The following FAM229B variants were observed in gnomAD, a reference collection of about 807,000 sequenced individuals.
FAM229B encodes the protein protein FAM229B.
A neutral mutation model predicts 6.7 loss-of-function variants in FAM229B; 2 were observed. That is an observed-to-expected ratio of 0.30 (90% CI 0.12 to 0.94). The LOEUF (loss-of-function observed/expected upper bound fraction) is 0.94. Ranked by LOEUF, FAM229B falls within the 40% of genes least tolerant of loss-of-function variation. The pLI is 0.54. For synonymous variants in FAM229B, 29 were observed against 34.0 expected (o/e 0.85, Z 0.51); for missense variants, 93 against 96.2 (o/e 0.97, Z 0.14).
chr6:112,091,090 A>G (rs781906253), intron 1 of FAM229B, among the ~76,000 whole-genome samples: 4 of 152,080 alleles, frequency 2.6e-5, no homozygotes, highest in Non-Finnish European at 5.9e-5. Context: ...TAGATTCCAC[A>G]TCTAAGTGGA....
intron 1 of FAM229B, among the ~76,000 whole-genome samples, chr6:112,087,949 CAG>C (rs1276288720): frequency 2.6e-5 from 4 of 152,092 alleles, no homozygotes; most frequent in African/African-American, 9.7e-5. Flanking sequence ...ATAGTCATGT[CAG>C]GGCACAATTG....
chr6:112,101,031 T>G lies in FAM229B; in HGVS notation c.*244T>G. The G allele has an allele frequency of 2.8e-6, 1 of 361,732 alleles. No homozygotes were observed. The highest frequency in any genetic ancestry group is 2.1e-5 in the African/African-American group (1 of 47,822). 22.4% of individuals were successfully genotyped at this position (361,732 alleles called of 1,614,324 possible). On this transcript the variant is annotated 3_prime_UTR_variant, in exon 4 of 4. Transcript: ENST00000368656. ...ATTAGAAAGTACCTTAGAGATCATCTTGCTCACAGTAGATCATTAATATCA... is the reference window on the plus strand; with the variant it reads ...ATTAGAAAGTACCTTAGAGATCATCGTGCTCACAGTAGATCATTAATATCA...
intron 1 of FAM229B, among the ~76,000 whole-genome samples, chr6:112,093,203 A>G: frequency 6.6e-6 from 1 of 152,036 alleles, no homozygotes; most frequent in East Asian, 1.9e-4. Flanking sequence ...GAATAGGAAA[A>G]GATATGTCAT....
intron 1 of FAM229B, among the ~76,000 whole-genome samples, chr6:112,095,985 T>C (rs1554318617): frequency 6.6e-6 from 1 of 152,228 alleles, no homozygotes; most frequent in African/African-American, 2.4e-5. Flanking sequence ...GCCAGTTTTC[T>C]ATAACTTGAG....
rs1777413022 is a variant in FAM229B at position 112,102,581 on chromosome 6, G to T, written c.*1794G>T. 1 of 152,126 alleles carries T rather than the reference G, an allele frequency of 6.6e-6. No homozygotes were observed. 9.4% of individuals were successfully genotyped at this position (152,126 alleles called of 1,614,324 possible). On this transcript the variant is annotated 3_prime_UTR_variant, in exon 4 of 4. Coordinates refer to ENST00000368656, the MANE Select transcript of FAM229B (RefSeq NM_001033564.3). Reference sequence around the variant, plus strand: ...TAGTGGATCTTTTAATATAGTACATGGATCATTGAGTAGAGTCTTCAGCAA... The same window carrying T: ...TAGTGGATCTTTTAATATAGTACATTGATCATTGAGTAGAGTCTTCAGCAA...
chr6:112,094,364 T>C lies in FAM229B; in HGVS notation c.-175-2677T>C, dbSNP rs587594346. Among the ~76,000 whole-genome samples the C allele has an allele frequency of 4.5e-4, 69 of 152,328 alleles. No individual in the cohort carries two copies. The South Asian group carries it at 7.3e-3, about 16-fold the overall frequency. ...GTTTTTGCTCCTGCGTGATTTGGCC[T>C]GTGCTTATGTCTCAGACTCCATTTA... On this transcript the variant is annotated intron_variant, in intron 1 of 3. Coordinates refer to ENST00000368656, the MANE Select transcript of FAM229B (RefSeq NM_001033564.3).
chr6:112,095,925 A>G (rs1004525748), intron 1 of FAM229B, among the ~76,000 whole-genome samples: 4 of 152,186 alleles, frequency 2.6e-5, no homozygotes, highest in African/African-American at 9.7e-5. Context: ...TAAGAAAAAG[A>G]AGGTGGAGGT....
intron 1 of FAM229B, 88 bp downstream of exon 1, chr6:112,087,808 A>T (rs1219586949): frequency 4.0e-6 from 1 of 247,202 alleles, no homozygotes; most frequent in African/African-American, 2.2e-5. Flanking sequence ...TCACAGCCTC[A>T]ACACCCGGGG....
intron 1 of FAM229B, among the ~76,000 whole-genome samples, chr6:112,091,396 A>G (rs1777255181): frequency 6.6e-6 from 1 of 152,148 alleles, no homozygotes. Flanking sequence ...CGGGCAGAAC[A>G]ATTCCTAGGG....
chr6:112,093,290 T>C (rs1554318333), intron 1 of FAM229B, among the ~76,000 whole-genome samples: 1 of 152,032 alleles, frequency 6.6e-6, no homozygotes, highest in Non-Finnish European at 1.5e-5. Flanking sequence ...CAGACATATT[T>C]CATAATGATA....
chr6:112,098,253 A>G (rs926881550), intron 2 of FAM229B, among the ~76,000 whole-genome samples: 2 of 152,196 alleles, frequency 1.3e-5, no homozygotes, highest in African/African-American at 4.8e-5. Context: ...ATTCAGACTT[A>G]ATGGATTGCA....
At chr6:112,091,497 G>A (rs1410769310) in intron 1 of FAM229B, among the ~76,000 whole-genome samples, 1 of 152,138 alleles carries the variant, frequency 6.6e-6, no homozygotes, top group East Asian at 1.9e-4. Flanking sequence ...TACTCAGAAA[G>A]GTACCTCAGT....
At chr6:112,094,855 C>T (rs1777301744) in intron 1 of FAM229B, among the ~76,000 whole-genome samples, 2 of 152,142 alleles carry the variant, frequency 1.3e-5, no homozygotes, top group African/African-American at 2.4e-5. Context: ...TATTTGGATA[C>T]TTCATCTTTT....
chr6:112,092,369 G>C (rs1554318267), intron 1 of FAM229B, among the ~76,000 whole-genome samples: 1 of 152,074 alleles, frequency 6.6e-6, no homozygotes, highest in East Asian at 1.9e-4. Context: ...CAGACTTCTT[G>C]TTGGGAACAA....
intron 1 of FAM229B, among the ~76,000 whole-genome samples, chr6:112,095,370 G>A (rs587634730): frequency 1.3e-5 from 2 of 152,174 alleles, no homozygotes; most frequent in East Asian, 3.9e-4. Context: ...GTGGGCTCAT[G>A]CCTGTAACCT....
At chr6:112,094,705 A>G (rs1777299835) in intron 1 of FAM229B, among the ~76,000 whole-genome samples, 2 of 152,208 alleles carry the variant, frequency 1.3e-5, no homozygotes, top group African/African-American at 4.8e-5. Context: ...TATTCATTAA[A>G]TGAATGAATG....
At chr6:112,095,912 T>C (rs1048674205) in intron 1 of FAM229B, among the ~76,000 whole-genome samples, 12 of 152,116 alleles carry the variant, frequency 7.9e-5, no homozygotes, top group Non-Finnish European at 1.8e-4. Context: ...GATAGTACCC[T>C]AGTAAGAAAA....
intron 1 of FAM229B, among the ~76,000 whole-genome samples, chr6:112,091,592 G>A (rs1777257671): frequency 6.6e-6 from 1 of 152,120 alleles, no homozygotes; most frequent in Non-Finnish European, 1.5e-5. Flanking sequence ...GAACCAGGCT[G>A]TTTCCAAATA....
chr6:112,101,453 C>G lies in FAM229B; in HGVS notation c.*666C>G, dbSNP rs1227656111. ...CAAGAAAAATGACGTCTGGTTATCA[C>G]TTTGTACACGAAGTGCTAACCAGGT... On this transcript the variant is annotated 3_prime_UTR_variant, in exon 4 of 4. Transcript: ENST00000368656. The G allele has an allele frequency of 6.6e-6, 1 of 152,188 alleles. No individual in the cohort carries two copies. Among genetic ancestry groups the G allele is most frequent in the Non-Finnish European group, 1.5e-5 (1 of 68,034 alleles). 9.4% of individuals were successfully genotyped at this position (152,188 alleles called of 1,614,324 possible). A position where few individuals can be genotyped will look rare whatever the true frequency, so the allele number is the denominator to read the frequency against.
Sources: gnomAD v4.1 joint callset for allele counts (sites outside exome capture counted in the v4.1 genomes callset) on GRCh38, gnomAD v4.1.1 for gene constraint, MANE v1.5 for transcripts, NCBI Gene and HGNC (gene_info 2026-07-23, HGNC 2026-07-21) for gene names.